Variants in UNC13C observed in about 807,000 individuals in gnomAD.
UNC13C encodes the protein protein unc-13 homolog C.
Under a neutral mutation model 245.4 loss-of-function variants are expected in UNC13C, and 174 were observed. The ratio of observed to expected loss-of-function variants is 0.71; its 90% CI spans 0.63 to 0.80. UNC13C has a LOEUF of 0.80. Ranked by LOEUF, UNC13C falls within the 30% of genes least tolerant of loss-of-function variation. The pLI is 0.00. For synonymous variants in UNC13C, 992 were observed against 895.1 expected (o/e 1.11, Z -1.93); for missense variants, 2,829 against 2,602.9 (o/e 1.09, Z -1.89).
At chr15:54,155,816 G>A (rs1188041364) in intron 4 of UNC13C, among the ~76,000 whole-genome samples, 1 of 152,128 alleles carries the variant, frequency 6.6e-6, no homozygotes, top group Non-Finnish European at 1.5e-5. Context: ...TTAAATGTTT[G>A]GATTCAATTT....
intron 17 of UNC13C, among the ~76,000 whole-genome samples, chr15:54,366,812 A>G (rs1031958548): frequency 6.6e-5 from 10 of 152,086 alleles, no homozygotes; most frequent in African/African-American, 2.4e-4. Context: ...TGGCTAACCT[A>G]TCTTAAAGCA....
At chr15:54,096,695 G>A (rs2899527) in intron 2 of UNC13C, among the ~76,000 whole-genome samples, 113,590 of 152,032 alleles carry the variant, frequency 0.75, 43,149 homozygotes, top group East Asian at 0.99. Context: ...GTCTGGCTCC[G>A]ACCTTTCTCT....
chr15:54,420,979 G>T (rs1251743347), intron 19 of UNC13C, among the ~76,000 whole-genome samples: 1 of 151,994 alleles, frequency 6.6e-6, no homozygotes, highest in Non-Finnish European at 1.5e-5. Flanking sequence ...ATCACCAGGG[G>T]TAGAGCCTTG....
intron 32 of UNC13C, among the ~76,000 whole-genome samples, chr15:54,625,126 G>T (rs563930139): frequency 6.6e-6 from 1 of 152,206 alleles, no homozygotes; most frequent in South Asian, 2.1e-4. Flanking sequence ...TGCCTTGAAA[G>T]CAGCAGTGAC....
At chr15:54,179,605 A>C (rs2033730777) in intron 4 of UNC13C, among the ~76,000 whole-genome samples, 1 of 152,120 alleles carries the variant, frequency 6.6e-6, no homozygotes, top group African/African-American at 2.4e-5. Context: ...AATACTAATT[A>C]AAGAAAAAGA....
chr15:54,078,820 T>C (rs1180067635), intron 2 of UNC13C, among the ~76,000 whole-genome samples: 3 of 152,138 alleles, frequency 2.0e-5, no homozygotes, highest in Non-Finnish European at 1.5e-5. Context: ...GCTCTTTAAG[T>C]TCCATTTGTC....
At chr15:54,624,959 C>T (rs1901042314) in intron 32 of UNC13C, among the ~76,000 whole-genome samples, 1 of 152,018 alleles carries the variant, frequency 6.6e-6, no homozygotes, top group Non-Finnish European at 1.5e-5. Context: ...GAGAAAGAGT[C>T]ATTACTAAAA....
chr15:54,101,560 C>T (rs2141156301), intron 2 of UNC13C, among the ~76,000 whole-genome samples: 1 of 152,078 alleles, frequency 6.6e-6, no homozygotes, highest in East Asian at 1.9e-4. Context: ...GGAGTTCATT[C>T]TATTTGCTCC....
rs970182935 is a variant in UNC13C at position 54,051,087 on chromosome 15, G to C, written c.2983+35201G>C. ...TCCCAGATTTTTATACTCTTTTATT[G>C]TGATTTTCTTTTTTGCCTTATAGAA... On this transcript the variant is annotated intron_variant, in intron 2 of 32. Transcript: ENST00000260323. Among the ~76,000 whole-genome samples, 4 of 151,966 alleles carry C rather than the reference G, an allele frequency of 2.6e-5. No individual in the cohort carries two copies. In the East Asian group the frequency reaches 5.8e-4, roughly 22 times the overall value.
the UNC13C span, among the ~76,000 whole-genome samples, chr15:53,877,369 G>C: frequency 6.6e-5 from 10 of 152,096 alleles, no homozygotes; most frequent in African/African-American, 1.2e-4. Context: ...GAAACTCTTA[G>C]AAACATAGGC....
chr15:54,124,926 C>CA lies in UNC13C; in HGVS notation c.2984-18084dup, dbSNP rs200483517. On this transcript the variant is annotated intron_variant, in intron 2 of 32. Transcript: ENST00000260323. ...CATTGAATTGCTTTTGAATCTTTGC[C>CA]AAAAAAAATCAGTTGACCAGAAATG... 9.3e-3 allele frequency among the ~76,000 whole-genome samples: 1,404 copies of CA among 151,656 alleles called. 14 individuals carry two copies. Among genetic ancestry groups the CA allele is most frequent in the South Asian group, 0.02 (96 of 4,792 alleles).
chr15:54,482,055 C>T (rs190177733), intron 19 of UNC13C, among the ~76,000 whole-genome samples: 2 of 152,256 alleles, frequency 1.3e-5, no homozygotes, highest in African/African-American at 2.4e-5. Context: ...GGGGAATATA[C>T]ACTTTGTCTC....
chr15:54,341,277 C>G (rs2038722157), intron 17 of UNC13C, among the ~76,000 whole-genome samples: 2 of 152,126 alleles, frequency 1.3e-5, no homozygotes, highest in Non-Finnish European at 2.9e-5. Flanking sequence ...ATGTAGCCAT[C>G]AAAAAGAATG....
At chr15:53,877,423 T>A in the UNC13C span, among the ~76,000 whole-genome samples, 30,556 of 152,072 alleles carry the variant, frequency 0.2, 3,476 homozygotes, top group Non-Finnish European at 0.25. Flanking sequence ...CTGCTCTGAA[T>A]TTCAAAGGAC....
At chr15:54,300,089 CA>C (rs1386352169) in intron 12 of UNC13C, 120 bp from the exon 13 acceptor site, 9 of 823,318 alleles carry the variant, frequency 1.1e-5, no homozygotes, top group African/African-American at 1.7e-5. Context: ...CTATTGCTTG[CA>C]GATGCTGATG....
chr15:54,401,423 C>T (rs1156419871), intron 18 of UNC13C, among the ~76,000 whole-genome samples: 9 of 152,078 alleles, frequency 5.9e-5, no homozygotes, highest in South Asian at 2.1e-4. Context: ...CCCTTGTTGA[C>T]GCAGCCTTAT....
At chr15:54,313,412 A>G (rs536871104) in intron 13 of UNC13C, among the ~76,000 whole-genome samples, 84 of 151,958 alleles carry the variant, frequency 5.5e-4, no homozygotes, top group African/African-American at 2.0e-3. Flanking sequence ...AGTATGCACA[A>G]GAAAACACTG....
At chr15:54,551,304 C>T (rs1436353145) in intron 28 of UNC13C, among the ~76,000 whole-genome samples, 1 of 152,082 alleles carries the variant, frequency 6.6e-6, no homozygotes, top group Non-Finnish European at 1.5e-5. Flanking sequence ...ACACCCATCT[C>T]AGTGCAAGGA....
rs552232075 is a variant in UNC13C at position 54,313,263 on chromosome 15, A to G, written c.4269-8676A>G. On this transcript the variant is annotated intron_variant, in intron 13 of 32. Coordinates refer to ENST00000260323, the MANE Select transcript of UNC13C (RefSeq NM_001080534.3). Reference sequence around the variant, plus strand: ...TAAGTACTTCCGCCACATTTTCACAACATAATTGGATGTCTTCATAAACTG... The same window carrying G: ...TAAGTACTTCCGCCACATTTTCACAGCATAATTGGATGTCTTCATAAACTG... 2.1e-4 allele frequency among the ~76,000 whole-genome samples: 32 copies of G among 151,966 alleles called. 1 individual carries two copies. In the South Asian group the frequency reaches 6.6e-3, roughly 31 times the overall value.
Sources: allele counts gnomAD v4.1 joint callset (sites outside exome capture counted in the v4.1 genomes callset), GRCh38; gene constraint gnomAD v4.1.1; transcripts MANE v1.5; gene names NCBI Gene and HGNC (gene_info 2026-07-23, HGNC 2026-07-21).